IPO5: variants seen among roughly 807,000 people sequenced by gnomAD.
IPO5 encodes the protein importin 5.
IPO5 carries 18 observed loss-of-function variants against 143.3 expected under a neutral mutation model. The ratio of observed to expected loss-of-function variants is 0.13; its 90% CI spans 0.09 to 0.19. The LOEUF (loss-of-function observed/expected upper bound fraction) is 0.19. Among genes scored for constraint, IPO5 ranks in the 10% least tolerant of loss-of-function variants. The pLI, the probability that IPO5 is intolerant of heterozygous loss-of-function variation, is 1.00. For synonymous variants in IPO5, 477 were observed against 465.7 expected, an observed-to-expected ratio of 1.02 and a Z score of -0.31; for missense variants, 1,013 against 1,336.9, an observed-to-expected ratio of 0.76 and a Z score of 3.78.
chr13:98,006,074 A>T, intron 16 of IPO5, 56 bp from the exon 17 acceptor site: 1 of 1,236,062 alleles, frequency 8.1e-7, no homozygotes, highest in Non-Finnish European at 1.2e-6. Context: ...GTAATTGTAA[A>T]TTTAAATACT....
chr13:97,968,968 C>T (rs1280012488), intron 2 of IPO5, among the ~76,000 whole-genome samples: 6 of 151,706 alleles, frequency 4.0e-5, no homozygotes, highest in East Asian at 1.9e-4. Flanking sequence ...GGATTACAGG[C>T]GCCTGCCACT....
In IPO5 at chr13:98,002,987, G is replaced by A. The variant is rs1314892548; in HGVS notation, c.1447G>A (p.Asp483Asn). The A allele has an allele frequency of 6.2e-7, 1 of 1,613,840 alleles. No homozygotes were observed. The highest frequency in any genetic ancestry group is 1.7e-5 in the Admixed American group (1 of 59,972). ...CAAGTCACTACTTATTCCATACTTG[G>A]ATAATTTGGTGAAACATCTGCATTC... Reference protein sequence around the residue: ...CPKSLLIPYLDNLVKHLHSIM... With the variant: ...CPKSLLIPYLNNLVKHLHSIM... The change falls in exon 16 of 29, where the codon GAT (aspartate) becomes AAT (asparagine). Residue 483 changes from aspartate to asparagine, a missense_variant. Asp to Asn is a conservative substitution (Grantham distance 23). Coordinates refer to ENST00000651721, the MANE Select transcript of IPO5 (RefSeq NM_002271.6).
chr13:97,977,495 A>G (rs1325609517), intron 4 of IPO5, among the ~76,000 whole-genome samples: 1 of 152,190 alleles, frequency 6.6e-6, no homozygotes, highest in Non-Finnish European at 1.5e-5. Context: ...TTTGCTCTCT[A>G]GAGAATCGTG....
chr13:97,980,853 A>G (rs1886783339), intron 4 of IPO5, among the ~76,000 whole-genome samples: 1 of 150,898 alleles, frequency 6.6e-6, no homozygotes, highest in African/African-American at 2.4e-5. Flanking sequence ...AAGTTTTTGC[A>G]AAAACTTGAT....
chr13:98,011,330 G>A (rs1305858870), intron 20 of IPO5, among the ~76,000 whole-genome samples: 1 of 151,712 alleles, frequency 6.6e-6, no homozygotes, highest in East Asian at 1.9e-4. Context: ...TTACTCTGTC[G>A]CTCAGGCTGG....
intron 2 of IPO5, among the ~76,000 whole-genome samples, chr13:97,955,171 G>A (rs886927679): frequency 6.6e-6 from 1 of 151,922 alleles, no homozygotes; most frequent in African/African-American, 2.4e-5. Context: ...CAAGACTGCA[G>A]TGAGCCATGA....
chr13:97,972,892 A>G (rs1218688720), intron 3 of IPO5, among the ~76,000 whole-genome samples: 1 of 152,160 alleles, frequency 6.6e-6, no homozygotes, highest in East Asian at 1.9e-4. Context: ...AAGGTTACAC[A>G]GCTAGTAAGA....
chr13:98,008,888 C>G (rs940482056), intron 18 of IPO5, among the ~76,000 whole-genome samples: 3 of 152,172 alleles, frequency 2.0e-5, no homozygotes, highest in Admixed American at 1.3e-4. Context: ...CATTGCCACA[C>G]TGTAATAGTT....
In IPO5 at chr13:98,019,682, A is replaced by G; in HGVS notation, c.2938A>G (p.Met980Val). 3 of 1,614,126 alleles carry G rather than the reference A, an allele frequency of 1.9e-6. No individual in the cohort carries two copies. Among genetic ancestry groups the G allele is most frequent in the Non-Finnish European group, 2.5e-6 (3 of 1,179,946 alleles). ...ENCISAVGKI[M>V]KFKPDCVNVE... ...CTGCATCTCAGCAGTAGGGAAAATC[A>G]TGAAGTTCAAGCCTGACTGTGTAAA... Residue 980 changes from methionine to valine, a missense_variant, in exon 27 of 29, where the codon ATG (methionine) becomes GTG (valine). Physicochemically the swap from Met to Val is conservative, Grantham distance 21. This residue lies in a region of IPO5 where 685 missense variants were observed against 994.9 expected (regional missense o/e 0.69). Coordinates refer to ENST00000651721, the MANE Select transcript of IPO5 (RefSeq NM_002271.6).
chr13:97,970,795 A>G (rs1455390011), intron 3 of IPO5, among the ~76,000 whole-genome samples: 1 of 152,186 alleles, frequency 6.6e-6, no homozygotes, highest in Non-Finnish European at 1.5e-5. Context: ...CTTAACCACA[A>G]TTATGATGCA....
At position 98,022,043 on chromosome 13, in the gene IPO5, G is replaced by A; in HGVS notation, c.*221G>A. Reference sequence around the variant, plus strand: ...AGGAGTTCCTGGAAGCCCTGCGGTAGCTAGCACTGAAGACTATTTTTCTAT... The same window carrying A: ...AGGAGTTCCTGGAAGCCCTGCGGTAACTAGCACTGAAGACTATTTTTCTAT... On this transcript the variant is annotated 3_prime_UTR_variant, in exon 29 of 29. Transcript: ENST00000651721. The A allele has an allele frequency of 2.5e-6, 1 of 393,050 alleles. No individual in the cohort carries two copies. The highest frequency in any genetic ancestry group is 3.9e-5 in the Admixed American group (1 of 25,902). The allele number at this position is 393,050 out of a possible 1,614,324, so 24.3% of individuals were successfully genotyped here. A position where few individuals can be genotyped will look rare whatever the true frequency, so the allele number is the denominator to read the frequency against.
At chr13:98,014,323 G>T (rs776359285) in intron 22 of IPO5, 109 bp downstream of exon 22, 6 of 773,840 alleles carry the variant, frequency 7.8e-6, no homozygotes, top group Non-Finnish European at 1.2e-5. Context: ...TGTCACCCAG[G>T]CTGGAGTGCA....
Position 98,009,898 on chromosome 13 carries a change from A to G in IPO5, c.1818A>G (p.Ser606=). 1 of 1,609,860 alleles carries G rather than the reference A, an allele frequency of 6.2e-7. No individual in the cohort carries two copies. The part of the protein sequence containing the change: ...DDDPQISYMI[S]AWARMCKILG... Reference sequence around the variant, plus strand: ...TTCCCCAGATCTCTTACATGATCTCAGCATGGGCCAGAATGTGCAAAATCC... The same window carrying G: ...TTCCCCAGATCTCTTACATGATCTCGGCATGGGCCAGAATGTGCAAAATCC... The change falls in exon 19 of 29, where the codon TCA becomes TCG. Residue 606 remains serine (S), a synonymous_variant. Coordinates refer to ENST00000651721, the MANE Select transcript of IPO5 (RefSeq NM_002271.6).
intron 3 of IPO5, chr13:97,976,070 G>A: frequency 1.6e-6 from 1 of 612,776 alleles, no homozygotes; most frequent in South Asian, 7.1e-5. Flanking sequence ...GGGAGCGAGG[G>A]ACCAAAGGGG....
chr13:98,017,356 GGAGTCTTGCTCTGTC>G (rs957799234), intron 25 of IPO5, among the ~76,000 whole-genome samples: 1 of 151,614 alleles, frequency 6.6e-6, no homozygotes, highest in Non-Finnish European at 1.5e-5. Flanking sequence ...TTCTCAAGAT[GGAGTCTTGCTCTGTC>G]GCCCAGGCTG....
At position 98,015,518 on chromosome 13, in the gene IPO5, C is replaced by T. The variant is rs780561464; in HGVS notation, c.2326-12C>T. On this transcript the variant is annotated splice_polypyrimidine_tract_variant and intron_variant, in intron 22 of 28. Coordinates refer to ENST00000651721, the MANE Select transcript of IPO5 (RefSeq NM_002271.6). The stretch of plus-strand genomic sequence containing the variant: ...AATCTTATGGATTGCTTTCTTTCCT[C>T]AACCTCATTAGTGCATTGAAGTAAT... 1 of 1,502,382 alleles carries T rather than the reference C, an allele frequency of 6.7e-7. No homozygotes were observed. The highest frequency in any genetic ancestry group is 2.3e-5 in the East Asian group (1 of 44,334). 93.1% of individuals were successfully genotyped at this position (1,502,382 alleles called of 1,614,324 possible). A position where few individuals can be genotyped will look rare whatever the true frequency, so the allele number is the denominator to read the frequency against.
intron 22 of IPO5, among the ~76,000 whole-genome samples, chr13:98,014,916 T>C (rs1890008094): frequency 6.6e-6 from 1 of 151,890 alleles, no homozygotes; most frequent in African/African-American, 2.4e-5. Context: ...AGATGTCTCC[T>C]TTCTTTTCCT....
At chr13:97,997,852 T>G (rs908609341) in intron 12 of IPO5, among the ~76,000 whole-genome samples, 3 of 152,208 alleles carry the variant, frequency 2.0e-5, no homozygotes, top group African/African-American at 7.2e-5. Context: ...TAAAAATATT[T>G]TAATAGTTAA....
chr13:98,020,770 A>G (rs1473652306), intron 27 of IPO5, among the ~76,000 whole-genome samples: 2 of 152,214 alleles, frequency 1.3e-5, no homozygotes, highest in African/African-American at 4.8e-5. Context: ...AATTATTTAT[A>G]AGGTATTTAG....
Sources: gnomAD v4.1 joint callset for allele counts (sites outside exome capture counted in the v4.1 genomes callset) on GRCh38, gnomAD v4.1.1 for gene constraint, gnomAD v4.1.1 regional missense constraint, MANE v1.5 for transcripts, NCBI Gene and HGNC (gene_info 2026-07-23, HGNC 2026-07-21) for gene names.